Variants in ANO4 observed in about 807,000 individuals in gnomAD.
ANO4 encodes anoctamin-4.
ANO4 carries 69 observed loss-of-function variants against 141.9 expected under a neutral mutation model. The observed-to-expected ratio is 0.49, with a 90% CI of 0.40 to 0.59. The LOEUF (loss-of-function observed/expected upper bound fraction) is 0.59, where lower values mean the gene tolerates loss of function less well. Ranked by LOEUF, ANO4 falls within the 20% of genes least tolerant of loss-of-function variation. The pLI, the probability that ANO4 is intolerant of heterozygous loss-of-function variation, is 0.00. For synonymous variants in ANO4, 350 were observed against 394.3 expected (o/e 0.89, Z 1.33); for missense variants, 894 against 1,162.2 (o/e 0.77, Z 3.36).
intron 14 of ANO4, among the ~76,000 whole-genome samples, chr12:101,050,148 G>T (rs2136667380): frequency 6.6e-6 from 1 of 152,246 alleles, no homozygotes; most frequent in South Asian, 2.1e-4. Context: ...AGAACTAGTG[G>T]AAAAATTAGA....
At chr12:100,860,375 A>G (rs1342121960) in intron 1 of ANO4, among the ~76,000 whole-genome samples, 1 of 152,174 alleles carries the variant, frequency 6.6e-6, no homozygotes, top group African/African-American at 2.4e-5. Context: ...GTGTTGGGAA[A>G]TTATCAGTGT....
chr12:101,109,298 C>T (rs1475633599), intron 22 of ANO4, among the ~76,000 whole-genome samples: 1 of 152,164 alleles, frequency 6.6e-6, no homozygotes, highest in Admixed American at 6.5e-5. Flanking sequence ...CACGGTGACT[C>T]ACACTTGTAA....
At chr12:101,087,256 G>A (rs1350543281) in intron 17 of ANO4, among the ~76,000 whole-genome samples, 1 of 151,876 alleles carries the variant, frequency 6.6e-6, no homozygotes, top group Non-Finnish European at 1.5e-5. Context: ...AGGGGCTCAT[G>A]CCTATAATAC....
At chr12:100,806,519 GTTTCGTTTTTTT>G (rs1565891138) in intron 1 of ANO4, among the ~76,000 whole-genome samples, 9 of 34,816 alleles carry the variant, frequency 2.6e-4, no homozygotes, top group Admixed American at 7.3e-4. Flanking sequence ...TTTTTTTTTT[GTTTCGTTTTTTT>G]TTTTTTTTTT....
chr12:101,109,070 C>G (rs779882739), intron 22 of ANO4, among the ~76,000 whole-genome samples: 5 of 152,034 alleles, frequency 3.3e-5, no homozygotes, highest in Non-Finnish European at 7.3e-5. Flanking sequence ...GACATATTTG[C>G]AGAGTATTTG....
chr12:100,970,319 G>A (rs184024573), intron 5 of ANO4, among the ~76,000 whole-genome samples: 1 of 152,274 alleles, frequency 6.6e-6, no homozygotes, highest in Non-Finnish European at 1.5e-5. Flanking sequence ...TGCGCTGCAC[G>A]TCCTGTCTTC....
intron 1 of ANO4, among the ~76,000 whole-genome samples, chr12:100,728,000 G>C (rs1392953973): frequency 2.6e-5 from 4 of 151,948 alleles, no homozygotes; most frequent in Non-Finnish European, 4.4e-5. Context: ...ACAATACTTT[G>C]AGCACCCAGC....
chr12:100,884,731 A>G (rs546586023), intron 1 of ANO4, among the ~76,000 whole-genome samples: 2 of 152,114 alleles, frequency 1.3e-5, no homozygotes, highest in East Asian at 1.9e-4. Flanking sequence ...ATCTCGCTCT[A>G]TCACCCAGGC....
At chr12:100,808,872 GT>G (rs1344188813) in intron 1 of ANO4, among the ~76,000 whole-genome samples, 1 of 152,020 alleles carries the variant, frequency 6.6e-6, no homozygotes, top group African/African-American at 2.4e-5. Context: ...TTTAGTAAGT[GT>G]TTTTCACACC....
chr12:101,067,009 A>AG (rs923152408), intron 14 of ANO4: 136 of 585,408 alleles, frequency 2.3e-4, no homozygotes, highest in Non-Finnish European at 3.1e-4. Flanking sequence ...AAAAAAAAAA[A>AG]AAAAAAAAGA....
chr12:101,037,101 A>C lies in ANO4; in HGVS notation c.848A>C (p.Asn283Thr), dbSNP rs1382705378. The change falls in exon 10 of 28, where the codon AAT becomes ACT. Residue 283 changes from asparagine (N) to threonine (T), a missense_variant. Transcript: ENST00000392977. The stretch of plus-strand genomic sequence containing the variant: ...GACTTATTTGCTGTTTTAGGTCTGA[A>C]TCGTTTGCTTACCAATGGCTCCTAT... ...YEEGKNKIGLNRLLTNGSYEA... is the reference protein window; with the variant it reads ...YEEGKNKIGLTRLLTNGSYEA... 6.2e-7 allele frequency: 1 copy of C among 1,613,974 alleles called. No homozygotes were observed. Among genetic ancestry groups the C allele is most frequent in the Admixed American group, 1.7e-5 (1 of 60,018 alleles).
intron 1 of ANO4, among the ~76,000 whole-genome samples, chr12:100,849,236 C>T (rs2037741189): frequency 6.6e-6 from 1 of 152,090 alleles, no homozygotes; most frequent in African/African-American, 2.4e-5. Flanking sequence ...GGGCCATAAA[C>T]AGTAATTGAG....
chr12:101,124,665 T>C (rs555502082), intron 26 of ANO4, among the ~76,000 whole-genome samples: 2 of 152,136 alleles, frequency 1.3e-5, no homozygotes, highest in Non-Finnish European at 2.9e-5. Flanking sequence ...AAGGAAGGGG[T>C]TCAGTTTCGA....
intron 14 of ANO4, among the ~76,000 whole-genome samples, chr12:101,077,263 C>T (rs2049058366): frequency 6.6e-6 from 1 of 152,202 alleles, no homozygotes; most frequent in South Asian, 2.1e-4. Context: ...TGTGTGACTT[C>T]ACTGGGAGAC....
At chr12:101,024,633 G>A (rs2046661398) in intron 9 of ANO4, among the ~76,000 whole-genome samples, 1 of 151,890 alleles carries the variant, frequency 6.6e-6, no homozygotes, top group Non-Finnish European at 1.5e-5. Context: ...CTCTTATTAG[G>A]TCCTTATGAA....
At chr12:101,076,226 C>G (rs953881371) in intron 14 of ANO4, among the ~76,000 whole-genome samples, 8 of 152,086 alleles carry the variant, frequency 5.3e-5, no homozygotes, top group African/African-American at 1.9e-4. Context: ...GGCATGAGAG[C>G]AAAGCCATCA....
chr12:101,071,223 T>G (rs1218858512), intron 14 of ANO4, among the ~76,000 whole-genome samples: 1 of 152,118 alleles, frequency 6.6e-6, no homozygotes, highest in Non-Finnish European at 1.5e-5. Flanking sequence ...ACTCCTATGC[T>G]TGCTCTAGCA....
intron 1 of ANO4, among the ~76,000 whole-genome samples, chr12:100,873,471 T>G (rs539670653): frequency 6.6e-6 from 1 of 152,324 alleles, no homozygotes; most frequent in Middle Eastern, 3.4e-3. Context: ...GTCACTTTTG[T>G]TATACACTAG....
rs575924183 is a variant in ANO4, at chr12:101,051,705, C to A, written c.1312+3304C>A. Among the ~76,000 whole-genome samples the A allele has an allele frequency of 2.0e-5, 3 of 152,314 alleles. No individual in the cohort carries two copies. In the South Asian group the frequency reaches 6.2e-4, roughly 32 times the overall value. On this transcript the variant is annotated intron_variant, in intron 14 of 27. Transcript: ENST00000392977. ...AGGTACTGTTCTTATCCTCATATGA[C>A]AGATAAGGAAACTGCAGCAGTAGCT...
Sources: allele counts gnomAD v4.1 joint callset (sites outside exome capture counted in the v4.1 genomes callset), GRCh38; gene constraint gnomAD v4.1.1; transcripts MANE v1.5; gene names NCBI Gene and HGNC (gene_info 2026-07-23, HGNC 2026-07-21).